The following CTNND2 variants were observed in gnomAD, a reference collection of about 807,000 sequenced individuals.
CTNND2 encodes the protein catenin delta 2, also known as catenin delta-2.
In CTNND2, 22 loss-of-function variants were observed where a neutral mutation model predicts 144.4. That is an observed-to-expected ratio of 0.15 (90% CI 0.11 to 0.22). CTNND2 has a LOEUF of 0.22. Among genes scored for constraint, CTNND2 ranks in the 10% least tolerant of loss-of-function variants. The pLI is 1.00. For synonymous variants in CTNND2, 751 were observed against 695.6 expected, an observed-to-expected ratio of 1.08 and a Z score of -1.25; for missense variants, 1,353 against 1,618.8, an observed-to-expected ratio of 0.84 and a Z score of 2.82.
At chr5:11,096,882 T>A (rs1751409275) in intron 15 of CTNND2, among the ~76,000 whole-genome samples, 2 of 152,092 alleles carry the variant, frequency 1.3e-5, no homozygotes, top group South Asian at 4.2e-4. Context: ...TGTGTCTTAG[T>A]CAGGCTGATG....
chr5:11,348,766 G>A lies in CTNND2; in HGVS notation c.1373-2139C>T, dbSNP rs1040646605. On this transcript the variant is annotated intron_variant, in intron 8 of 21. Transcript: ENST00000304623. Reference sequence around the variant, plus strand: ...TTAAAAGAAAATATAACAAGAAAGAGTTTAAGAAAAACTCTGCCAAGCAGC... The same window carrying A: ...TTAAAAGAAAATATAACAAGAAAGAATTTAAGAAAAACTCTGCCAAGCAGC... 1.4e-4 allele frequency among the ~76,000 whole-genome samples: 22 copies of A among 152,018 alleles called. No individual in the cohort carries two copies. In the South Asian group the frequency reaches 1.5e-3, roughly 10 times the overall value.
At chr5:11,773,755 G>C (rs867020498) in intron 1 of CTNND2, among the ~76,000 whole-genome samples, 1 of 149,730 alleles carries the variant, frequency 6.7e-6, no homozygotes, top group Non-Finnish European at 1.5e-5. Flanking sequence ...AGGTTGCAGT[G>C]AGCCAAGATG....
chr5:11,892,830 A>G lies in CTNND2; in HGVS notation c.37+10987T>C, dbSNP rs565610953. Among the ~76,000 whole-genome samples, 5 of 152,348 alleles carry G rather than the reference A, an allele frequency of 3.3e-5. No individual in the cohort carries two copies. In the East Asian group the frequency reaches 7.7e-4, roughly 24 times the overall value. ...CTAAGGATATTCCAAGAATCAGTGA[A>G]CACGACGAAATCTACTACTGGTCCA... On this transcript the variant is annotated intron_variant, in intron 1 of 21. Transcript: ENST00000304623.
At chr5:11,428,896 C>T (rs1161444972) in intron 3 of CTNND2, among the ~76,000 whole-genome samples, 1 of 152,214 alleles carries the variant, frequency 6.6e-6, no homozygotes, top group African/African-American at 2.4e-5. Flanking sequence ...AGTCATGCTC[C>T]TTTGTCCTCA....
chr5:11,551,303 C>T (rs979888047), intron 3 of CTNND2, among the ~76,000 whole-genome samples: 1 of 152,070 alleles, frequency 6.6e-6, no homozygotes, highest in Non-Finnish European at 1.5e-5. Context: ...TCTTTCCCTG[C>T]CAATATTTTG....
intron 3 of CTNND2, among the ~76,000 whole-genome samples, chr5:11,472,099 G>A (rs1375214395): frequency 1.3e-5 from 2 of 152,108 alleles, no homozygotes; most frequent in Non-Finnish European, 2.9e-5. Context: ...TGGTGTCATC[G>A]TGTGAGCCTT....
intron 2 of CTNND2, among the ~76,000 whole-genome samples, chr5:11,681,284 G>A (rs937503239): frequency 6.6e-6 from 1 of 152,224 alleles, no homozygotes. Flanking sequence ...AGAGATAAAT[G>A]AGAACTGAAC....
At position 11,398,336 on chromosome 5, in the gene CTNND2, G is replaced by A. The variant is rs150881282; in HGVS notation, c.440-1133C>T. On this transcript the variant is annotated intron_variant, in intron 5 of 21. Coordinates refer to ENST00000304623, the MANE Select transcript of CTNND2 (RefSeq NM_001332.4). ...AGAATGGAACATGACTTTATATTTC[G>A]AATGAGACATGATGTGGATCACCTT... 2.4e-3 allele frequency among the ~76,000 whole-genome samples: 369 copies of A among 151,842 alleles called. 1 individual carries two copies. The highest frequency in any genetic ancestry group is 4.3e-3 in the Non-Finnish European group (292 of 67,950).
At chr5:11,867,911 C>T (rs1043168363) in intron 1 of CTNND2, among the ~76,000 whole-genome samples, 1 of 150,864 alleles carries the variant, frequency 6.6e-6, no homozygotes, top group Non-Finnish European at 1.5e-5. Flanking sequence ...GAATGCCTCA[C>T]TGTTTTATGA....
At chr5:11,634,927 C>T (rs1267097718) in intron 2 of CTNND2, among the ~76,000 whole-genome samples, 1 of 151,370 alleles carries the variant, frequency 6.6e-6, no homozygotes, top group Non-Finnish European at 1.5e-5. Context: ...AGATTAGGAA[C>T]CTTTAGAGCA....
chr5:11,698,292 T>TA (rs1561705661), intron 2 of CTNND2, among the ~76,000 whole-genome samples: 6 of 150,390 alleles, frequency 4.0e-5, no homozygotes, highest in African/African-American at 1.5e-4. Context: ...ATTATTATTT[T>TA]TTTTTTTTTT....
intron 18 of CTNND2, among the ~76,000 whole-genome samples, chr5:11,007,008 C>T (rs1014666004): frequency 2.6e-5 from 4 of 152,040 alleles, no homozygotes; most frequent in Non-Finnish European, 4.4e-5. Flanking sequence ...AAAGTAAGCA[C>T]AAAGTGAAAC....
At chr5:11,597,188 CTTG>C (rs1779551982) in intron 2 of CTNND2, among the ~76,000 whole-genome samples, 1 of 152,204 alleles carries the variant, frequency 6.6e-6, no homozygotes, top group Non-Finnish European at 1.5e-5. Flanking sequence ...TTCTGTAAGA[CTTG>C]TTGAATATAC....
intron 3 of CTNND2, among the ~76,000 whole-genome samples, chr5:11,501,920 C>T (rs575870952): frequency 8.1e-5 from 12 of 148,636 alleles, no homozygotes; most frequent in Middle Eastern, 3.6e-3. Context: ...CCCAGCTACT[C>T]GGGAGGCTGG....
At chr5:11,672,458 C>CA (rs920097074) in intron 2 of CTNND2, among the ~76,000 whole-genome samples, 5 of 152,166 alleles carry the variant, frequency 3.3e-5, no homozygotes, top group African/African-American at 1.2e-4. Flanking sequence ...GGGCTGCTCA[C>CA]TTTTTTTCAG....
At chr5:11,659,652 T>C (rs1486836047) in intron 2 of CTNND2, among the ~76,000 whole-genome samples, 1 of 152,084 alleles carries the variant, frequency 6.6e-6, no homozygotes, top group African/African-American at 2.4e-5. Context: ...CTCCATACCA[T>C]CCAGCATATG....
At chr5:11,809,070 G>A (rs1215899716) in intron 1 of CTNND2, among the ~76,000 whole-genome samples, 3 of 152,140 alleles carry the variant, frequency 2.0e-5, no homozygotes, top group Non-Finnish European at 4.4e-5. Context: ...GTTGAGCATT[G>A]CGCAAAATTC....
At chr5:11,714,974 G>A (rs963727604) in intron 2 of CTNND2, among the ~76,000 whole-genome samples, 7 of 151,532 alleles carry the variant, frequency 4.6e-5, no homozygotes, top group South Asian at 2.1e-4. Context: ...CGTGTATTGC[G>A]ATACATTATT....
Position 11,844,542 on chromosome 5 carries a change from G to A in CTNND2, c.37+59275C>T, listed in dbSNP as rs979228341. 2.0e-5 allele frequency among the ~76,000 whole-genome samples: 3 copies of A among 151,982 alleles called. No individual in the cohort carries two copies. In the East Asian group the frequency reaches 5.8e-4, roughly 29 times the overall value. Reference sequence around the variant, plus strand: ...CTTACTTCATTCCATTCTGAAAATTGGAAAATATTTTATAGCATAAAATAG... The same window carrying A: ...CTTACTTCATTCCATTCTGAAAATTAGAAAATATTTTATAGCATAAAATAG... On this transcript the variant is annotated intron_variant, in intron 1 of 21. Coordinates refer to ENST00000304623, the MANE Select transcript of CTNND2 (RefSeq NM_001332.4).
Sources: gnomAD v4.1 joint callset for allele counts (sites outside exome capture counted in the v4.1 genomes callset) on GRCh38, gnomAD v4.1.1 for gene constraint, MANE v1.5 for transcripts, NCBI Gene and HGNC (gene_info 2026-07-23, HGNC 2026-07-21) for gene names.